The following CYRIB variants were observed in gnomAD, a reference collection of about 807,000 sequenced individuals.
CYRIB encodes the protein CYFIP related Rac1 interactor B.
A neutral mutation model predicts 44.2 loss-of-function variants in CYRIB; 8 were observed. The ratio of observed to expected loss-of-function variants is 0.18; its 90% CI spans 0.11 to 0.33. The LOEUF is 0.33. Ranked by LOEUF, CYRIB falls within the 10% of genes least tolerant of loss-of-function variation. The probability of loss-of-function intolerance (pLI) is 1.00; values close to 1 mark genes in which losing one functional copy is unlikely to be tolerated. For synonymous variants in CYRIB, 131 were observed against 127.2 expected (o/e 1.03, Z -0.20); for missense variants, 185 against 382.8 (o/e 0.48, Z 4.31).
upstream of CYRIB, chr8:130,016,842 G>A (rs2097358300): frequency 6.6e-6 from 1 of 152,120 alleles, no homozygotes. Flanking sequence ...AAGTCACCGC[G>A]GGGCGCGCTG....
chr8:129,894,984 C>G (rs898384909), intron 2 of CYRIB, among the ~76,000 whole-genome samples: 2 of 149,842 alleles, frequency 1.3e-5, no homozygotes, highest in Non-Finnish European at 3.0e-5. Flanking sequence ...TTCGCCCAGG[C>G]TGGAGTGTAG....
intron 2 of CYRIB, among the ~76,000 whole-genome samples, chr8:129,898,287 T>A (rs949358151): frequency 6.6e-6 from 1 of 151,974 alleles, no homozygotes; most frequent in Non-Finnish European, 1.5e-5. Flanking sequence ...ATACAATTCA[T>A]CCAAAAACAA....
chr8:129,846,948 TA>T, intron 10 of CYRIB, 74 bp from the exon 13 acceptor site: 1 of 811,752 alleles, frequency 1.2e-6, no homozygotes, highest in Non-Finnish European at 1.9e-6. Flanking sequence ...AATAGTAAAA[TA>T]AATCAAGACC....
At chr8:129,954,151 T>G (rs2094656785) in intron 2 of CYRIB, among the ~76,000 whole-genome samples, 1 of 152,140 alleles carries the variant, frequency 6.6e-6, no homozygotes, top group Non-Finnish European at 1.5e-5. Flanking sequence ...TTGCCCAAGC[T>G]CTGGTCTTAT....
intron 1 of CYRIB, among the ~76,000 whole-genome samples, chr8:129,932,421 C>T (rs1462907676): frequency 6.6e-6 from 1 of 152,224 alleles, no homozygotes; most frequent in African/African-American, 2.4e-5. Context: ...GGCAGGCGTG[C>T]TTATTGCTCA....
intron 6 of CYRIB, 164 bp downstream of exon 8, chr8:129,855,447 A>T (rs2045745860): frequency 1.5e-6 from 1 of 674,560 alleles, no homozygotes. Flanking sequence ...TTTGCCATGT[A>T]TCAAAAGACC....
In CYRIB at chr8:129,849,537, CTGTT is replaced by C. The variant is rs1008877259; in HGVS notation, c.714-172_714-169del. ...ACACTGATACATTCAAATCTTATGTCTGTTTTCCTTTCCAAATCAACCCCCTGAA... is the reference window on the plus strand; with the variant it reads ...ACACTGATACATTCAAATCTTATGTCTTCCTTTCCAAATCAACCCCCTGAA... On this transcript the variant is annotated intron_variant, in intron 9 of 11. Transcript: ENST00000519824. 90 of 578,074 alleles carry C rather than the reference CTGTT, an allele frequency of 1.6e-4. No individual in the cohort carries two copies. The African/African-American group carries it at 1.7e-3, about 11-fold the overall frequency. 35.8% of individuals were successfully genotyped at this position (578,074 alleles called of 1,614,324 possible).
Position 129,949,873 on chromosome 8 carries a change from A to T in CYRIB, c.-243+21070T>A, listed in dbSNP as rs189277443. ...AAGAGCGAAACTCCATCTTAAAAAA[A>T]AATAATAATAATAATACACTACTCA... On this transcript the variant is annotated intron_variant, in intron 2 of 14. Transcript: ENST00000401979. 7.2e-3 allele frequency among the ~76,000 whole-genome samples: 1,101 copies of T among 152,182 alleles called. 8 individuals carry two copies. The highest frequency in any genetic ancestry group is 0.031 in the South Asian group (148 of 4,820).
chr8:129,869,379 CTCAAAAA>C (rs1191844257), intron 4 of CYRIB, among the ~76,000 whole-genome samples: 2 of 105,806 alleles, frequency 1.9e-5, no homozygotes, highest in African/African-American at 7.4e-5. Context: ...AAAACTCTGC[CTCAAAAA>C]AAAAAAAAAA....
chr8:129,888,258 T>C (rs1332005390), intron 2 of CYRIB, among the ~76,000 whole-genome samples: 1 of 152,174 alleles, frequency 6.6e-6, no homozygotes, highest in Non-Finnish European at 1.5e-5. Context: ...ATGTAAGACG[T>C]GCCACCTTCC....
intron 2 of CYRIB, among the ~76,000 whole-genome samples, chr8:129,896,470 C>G (rs1589016435): frequency 6.6e-6 from 1 of 152,236 alleles, no homozygotes; most frequent in Non-Finnish European, 1.5e-5. Context: ...TCCCACAATA[C>G]TCTTTACCAC....
chr8:129,927,269 GCGACAGTGAGACTCTGTCT>G (rs933049567), intron 1 of CYRIB, among the ~76,000 whole-genome samples: 12 of 152,146 alleles, frequency 7.9e-5, no homozygotes, highest in Non-Finnish European at 1.8e-4. Flanking sequence ...TCCAGCCTGG[GCGACAGTGAGACTCTGTCT>G]CCACAAGAAA....
chr8:129,882,395 A>G (rs568254364), intron 2 of CYRIB, among the ~76,000 whole-genome samples: 2 of 152,372 alleles, frequency 1.3e-5, no homozygotes, highest in African/African-American at 4.8e-5. Flanking sequence ...TCTGGCACAC[A>G]GAAAACATTT....
intron 4 of CYRIB, 64 bp downstream of exon 6, chr8:129,871,311 A>C: frequency 4.8e-4 from 715 of 1,486,218 alleles, no homozygotes; most frequent in Middle Eastern, 8.8e-4. Context: ...CTAGAAAACA[A>C]GAGATTACAA....
chr8:129,948,171 T>G (rs1256521790), intron 2 of CYRIB, among the ~76,000 whole-genome samples: 1 of 152,184 alleles, frequency 6.6e-6, no homozygotes, highest in Non-Finnish European at 1.5e-5. Flanking sequence ...GACGATGCCT[T>G]GAAGTTCAAA....
At chr8:129,857,562 T>C (rs569078979) in intron 5 of CYRIB, among the ~76,000 whole-genome samples, 1 of 152,316 alleles carries the variant, frequency 6.6e-6, no homozygotes, top group East Asian at 1.9e-4. Context: ...GGCATCCTAA[T>C]GTCCCTAGAG....
chr8:129,945,130 C>T (rs1022346173), intron 2 of CYRIB, among the ~76,000 whole-genome samples: 6 of 152,224 alleles, frequency 3.9e-5, no homozygotes, highest in Non-Finnish European at 8.8e-5. Context: ...TGGGCAACCG[C>T]ATTGCTGTAT....
chr8:130,011,079 C>G (rs531384282), intron 1 of CYRIB, among the ~76,000 whole-genome samples: 1 of 152,184 alleles, frequency 6.6e-6, no homozygotes, highest in South Asian at 2.1e-4. Context: ...CCATCATTAA[C>G]CAAAAGAGAT....
intron 1 of CYRIB, among the ~76,000 whole-genome samples, chr8:129,931,162 A>G (rs1383506046): frequency 2.1e-5 from 3 of 145,706 alleles, no homozygotes; most frequent in Non-Finnish European, 2.9e-5. Flanking sequence ...AAAAAAAAAG[A>G]AAGAAAGAAA....
Sources: gnomAD v4.1 joint callset for allele counts (sites outside exome capture counted in the v4.1 genomes callset) on GRCh38, gnomAD v4.1.1 for gene constraint, MANE v1.5 for transcripts, NCBI Gene and HGNC (gene_info 2026-07-23, HGNC 2026-07-21) for gene names.